The following PSPC1 variants were observed in gnomAD, a reference collection of about 807,000 sequenced individuals.
PSPC1 encodes the protein paraspeckle component 1, also known as paraspeckle protein 1.
In PSPC1, 14 loss-of-function variants were observed where a neutral mutation model predicts 51.6. The observed-to-expected ratio is 0.27, with a 90% CI of 0.18 to 0.42. PSPC1 has a LOEUF of 0.42. Among genes scored for constraint, PSPC1 ranks in the 10% least tolerant of loss-of-function variants. The pLI, the probability that PSPC1 is intolerant of heterozygous loss-of-function variation, is 1.00. For missense variants in PSPC1, 406 were observed against 701.1 expected, an observed-to-expected ratio of 0.58 and a Z score of 4.75; for synonymous variants, 193 against 231.9, an observed-to-expected ratio of 0.83 and a Z score of 1.53.
At chr13:19,771,970 T>G (rs1288350416) in intron 2 of PSPC1, among the ~76,000 whole-genome samples, 4 of 152,194 alleles carry the variant, frequency 2.6e-5, no homozygotes, top group Non-Finnish European at 5.9e-5. Flanking sequence ...AAGGATTACC[T>G]TAAGTTTATA....
chr13:19,700,899 T>C (rs1399630798), downstream of PSPC1, among the ~76,000 whole-genome samples: 1 of 152,180 alleles, frequency 6.6e-6, no homozygotes, highest in Non-Finnish European at 1.5e-5. Context: ...CTTGGTATAC[T>C]AATCCACAAG....
intron 4 of PSPC1, among the ~76,000 whole-genome samples, chr13:19,745,088 C>T (rs1885826325): frequency 1.3e-5 from 2 of 151,662 alleles, no homozygotes; most frequent in East Asian, 2.0e-4. Context: ...GAGGCTGAGG[C>T]GGGTGGATCA....
chr13:19,693,591 T>A (rs1245618459), intron 6 of PSPC1, among the ~76,000 whole-genome samples: 3 of 152,160 alleles, frequency 2.0e-5, no homozygotes, highest in Non-Finnish European at 4.4e-5. Flanking sequence ...TTAAGAGAAA[T>A]CTTGTATGTA....
At chr13:19,780,933 G>A (rs1330338269) in intron 1 of PSPC1, among the ~76,000 whole-genome samples, 1 of 152,072 alleles carries the variant, frequency 6.6e-6, no homozygotes, top group African/African-American at 2.4e-5. Context: ...AAGGCGGGAG[G>A]ATCGTTTGAG....
intron 1 of PSPC1, 117 bp from the exon 2 acceptor site, chr13:19,772,660 G>C (rs1243090196): frequency 1.3e-5 from 12 of 908,566 alleles, no homozygotes; most frequent in Non-Finnish European, 1.5e-5. Context: ...GGGTCAATTT[G>C]ATTTTGTATC....
At chr13:19,684,771 A>C (rs1877666888) in intron 6 of PSPC1, among the ~76,000 whole-genome samples, 1 of 152,216 alleles carries the variant, frequency 6.6e-6, no homozygotes. Context: ...TCTGATGACC[A>C]ACCTCAGTCA....
At chr13:19,679,137 T>C (rs958848307) in intron 6 of PSPC1, 2 of 152,230 alleles carry the variant, frequency 1.3e-5, no homozygotes, top group Admixed American at 6.5e-5. Context: ...TGGCATTCTA[T>C]CTACTCTTGT....
downstream of PSPC1, chr13:19,672,035 T>C: frequency 1.5e-6 from 1 of 687,984 alleles, no homozygotes; most frequent in Non-Finnish European, 2.5e-6. Flanking sequence ...GCGACATAGC[T>C]GTGTCTGTGC....
At chr13:19,740,314 G>A in intron 5 of PSPC1, among the ~76,000 whole-genome samples, 1 of 151,748 alleles carries the variant, frequency 6.6e-6, no homozygotes, top group East Asian at 1.9e-4. Context: ...TTGCACTCCA[G>A]CCTGGGCAAC....
chr13:19,714,465 A>T (rs1313729267), intron 6 of PSPC1, among the ~76,000 whole-genome samples: 1 of 151,012 alleles, frequency 6.6e-6, no homozygotes. Context: ...TAAAAAATCC[A>T]TTCAAAATTC....
At chr13:19,714,495 CTTTT>C (rs59072226) in intron 6 of PSPC1, among the ~76,000 whole-genome samples, 37 of 135,050 alleles carry the variant, frequency 2.7e-4, no homozygotes, top group Admixed American at 7.5e-4. Context: ...CAGCGGATTT[CTTTT>C]TTTTTTTTTT....
chr13:19,743,723 TTGATTATC>T (rs1885665997), intron 4 of PSPC1, among the ~76,000 whole-genome samples: 2 of 152,202 alleles, frequency 1.3e-5, no homozygotes, highest in Admixed American at 6.6e-5. Flanking sequence ...GAGAAAACAC[TTGATTATC>T]TGAAAAATGT....
At chr13:19,737,746 T>C (rs916261930) in intron 5 of PSPC1, among the ~76,000 whole-genome samples, 1 of 152,162 alleles carries the variant, frequency 6.6e-6, no homozygotes, top group Admixed American at 6.6e-5. Context: ...GTTATGTTCA[T>C]TGTTACTGAA....
At chr13:19,750,535 T>C (rs1376901393) in intron 4 of PSPC1, among the ~76,000 whole-genome samples, 1 of 152,080 alleles carries the variant, frequency 6.6e-6, no homozygotes, top group Non-Finnish European at 1.5e-5. Flanking sequence ...AATGAATCTT[T>C]TTCATCTCTA....
At chr13:19,745,392 C>T (rs1885861921) in intron 4 of PSPC1, among the ~76,000 whole-genome samples, 1 of 151,832 alleles carries the variant, frequency 6.6e-6, no homozygotes, top group African/African-American at 2.4e-5. Flanking sequence ...GCTATAATTT[C>T]AATGTATCAT....
intron 3 of PSPC1, among the ~76,000 whole-genome samples, chr13:19,756,360 T>C (rs1887066255): frequency 6.6e-6 from 1 of 152,134 alleles, no homozygotes; most frequent in African/African-American, 2.4e-5. Flanking sequence ...GTCCAATTCT[T>C]TGTTCAAGAC....
intron 6 of PSPC1, among the ~76,000 whole-genome samples, chr13:19,721,849 A>T (rs913086358): frequency 2.6e-5 from 4 of 152,242 alleles, no homozygotes; most frequent in Admixed American, 2.0e-4. Flanking sequence ...GCTTTTAAAA[A>T]TACTCTTCAT....
intron 5 of PSPC1, among the ~76,000 whole-genome samples, chr13:19,732,655 C>T (rs1016539910): frequency 6.6e-6 from 1 of 152,092 alleles, no homozygotes; most frequent in African/African-American, 2.4e-5. Context: ...TGGCAGGGCG[C>T]GGTGGCTCAC....
chr13:19,759,996 T>C (rs570717885), intron 2 of PSPC1, among the ~76,000 whole-genome samples: 327 of 152,168 alleles, frequency 2.1e-3, no homozygotes, highest in African/African-American at 7.7e-3. Context: ...TTAGAAAGTA[T>C]AATGAAAACG....
Sources: gnomAD v4.1 joint callset for allele counts (sites outside exome capture counted in the v4.1 genomes callset) on GRCh38, gnomAD v4.1.1 for gene constraint, MANE v1.5 for transcripts, NCBI Gene and HGNC (gene_info 2026-07-23, HGNC 2026-07-21) for gene names.